The following CHST9 variants were observed in gnomAD, a reference collection of about 807,000 sequenced individuals.
CHST9 encodes GalNAc-4-sulfotransferase 2.
Under a neutral mutation model 44.4 loss-of-function variants are expected in CHST9, and 41 were observed. That is an observed-to-expected ratio of 0.92 (90% CI 0.72 to 1.20). CHST9 has a LOEUF of 1.20. CHST9 is among the 50% of genes most tolerant of loss of function. The pLI is 0.00. For missense variants in CHST9, 504 were observed against 516.5 expected, an observed-to-expected ratio of 0.98 and a Z score of 0.23; for synonymous variants, 171 against 178.4, an observed-to-expected ratio of 0.96 and a Z score of 0.33.
At chr18:27,146,938 A>AT (rs974096068) in intron 1 of CHST9, among the ~76,000 whole-genome samples, 5 of 152,318 alleles carry the variant, frequency 3.3e-5, no homozygotes, top group South Asian at 2.1e-4. Context: ...TTTAAAAATT[A>AT]TTTTTTTAAA....
intron 3 of CHST9, among the ~76,000 whole-genome samples, chr18:27,031,411 C>T (rs1456789726): frequency 6.6e-6 from 1 of 152,158 alleles, no homozygotes; most frequent in Non-Finnish European, 1.5e-5. Flanking sequence ...CTCCCCAACA[C>T]TTGCTTCCAG....
intron 4 of CHST9, among the ~76,000 whole-genome samples, chr18:27,010,414 G>A (rs537373413): frequency 6.6e-6 from 1 of 152,256 alleles, no homozygotes; most frequent in East Asian, 1.9e-4. Context: ...GTAATTGTCA[G>A]GGTGAAATCA....
chr18:27,144,570 C>G (rs778801169), intron 1 of CHST9, among the ~76,000 whole-genome samples: 13 of 152,010 alleles, frequency 8.6e-5, no homozygotes, highest in South Asian at 4.1e-4. Flanking sequence ...GGCCTCTAGT[C>G]CCAGATACTG....
chr18:26,978,520 C>T (rs1426561237), intron 4 of CHST9, among the ~76,000 whole-genome samples: 4 of 152,148 alleles, frequency 2.6e-5, no homozygotes, highest in Non-Finnish European at 4.4e-5. Flanking sequence ...AAATAAGACA[C>T]CTCTCTGTTC....
chr18:26,995,739 GA>G, intron 4 of CHST9, among the ~76,000 whole-genome samples: 1 of 152,210 alleles, frequency 6.6e-6, no homozygotes, highest in East Asian at 1.9e-4. Flanking sequence ...AAATTGAGAT[GA>G]AAAACCTAGG....
At chr18:27,000,272 T>C (rs1598627411) in intron 4 of CHST9, among the ~76,000 whole-genome samples, 2 of 152,326 alleles carry the variant, frequency 1.3e-5, no homozygotes, top group East Asian at 3.9e-4. Context: ...AGTTTCCACA[T>C]ACAGAACTCT....
At chr18:27,112,279 C>T (rs188836682) in intron 2 of CHST9, among the ~76,000 whole-genome samples, 2 of 150,964 alleles carry the variant, frequency 1.3e-5, no homozygotes, top group East Asian at 3.9e-4. Flanking sequence ...GTGTGTATAA[C>T]AGAAGTGTTT....
chr18:27,160,260 T>C (rs1217574912), intron 1 of CHST9, among the ~76,000 whole-genome samples: 1 of 152,204 alleles, frequency 6.6e-6, no homozygotes, highest in Non-Finnish European at 1.5e-5. Flanking sequence ...CATGGATAGC[T>C]CTTATTATTT....
chr18:27,161,372 A>C (rs2058745451), intron 1 of CHST9, among the ~76,000 whole-genome samples: 2 of 152,104 alleles, frequency 1.3e-5, no homozygotes, highest in African/African-American at 2.4e-5. Flanking sequence ...TTATGTACCC[A>C]GTAGTCATTC....
rs1032725990 is a variant in CHST9, at chr18:27,185,180, A to C, written c.-141T>G. ...CGCTTGCAGGTGCTGCTGTTCCAGG[A>C]GCGCAGCTTCGGAGGAAACTTCCCC... On this transcript the variant is annotated 5_prime_UTR_variant, in exon 1 of 6. Coordinates refer to ENST00000618847, the MANE Select transcript of CHST9 (RefSeq NM_031422.6). 1.3e-5 allele frequency: 2 copies of C among 151,548 alleles called. No individual in the cohort carries two copies. Among genetic ancestry groups the C allele is most frequent in the Non-Finnish European group, 1.5e-5 (1 of 67,970 alleles). 9.4% of individuals were successfully genotyped at this position (151,548 alleles called of 1,614,324 possible). A position where few individuals can be genotyped will look rare whatever the true frequency, so the allele number is the denominator to read the frequency against.
At chr18:27,175,092 T>G (rs1452697505) in intron 1 of CHST9, among the ~76,000 whole-genome samples, 1 of 152,080 alleles carries the variant, frequency 6.6e-6, no homozygotes, top group Non-Finnish European at 1.5e-5. Context: ...CCTTAACTAT[T>G]TTATACCTTG....
chr18:27,121,224 C>A (rs917987481), intron 2 of CHST9, among the ~76,000 whole-genome samples: 20 of 152,074 alleles, frequency 1.3e-4, no homozygotes, highest in African/African-American at 4.3e-4. Flanking sequence ...AGGTTGCTCT[C>A]AAACTCCTGG....
intron 2 of CHST9, among the ~76,000 whole-genome samples, chr18:27,131,033 A>G (rs1332005147): frequency 6.6e-6 from 1 of 152,222 alleles, no homozygotes; most frequent in African/African-American, 2.4e-5. Context: ...CATCATGTAC[A>G]GAGACTTCCA....
chr18:27,058,579 AC>A (rs1433032865), intron 2 of CHST9, among the ~76,000 whole-genome samples: 1 of 152,096 alleles, frequency 6.6e-6, no homozygotes, highest in Non-Finnish European at 1.5e-5. Context: ...AAATCAGACA[AC>A]CCTAAGACCA....
intron 2 of CHST9, among the ~76,000 whole-genome samples, chr18:27,055,531 C>G (rs2057644629): frequency 6.6e-6 from 1 of 152,022 alleles, no homozygotes; most frequent in Non-Finnish European, 1.5e-5. Flanking sequence ...CAGGGCCAGA[C>G]CTAAAACCCA....
At chr18:27,021,658 A>G (rs1404974001) in intron 4 of CHST9, among the ~76,000 whole-genome samples, 1 of 151,934 alleles carries the variant, frequency 6.6e-6, no homozygotes, top group Non-Finnish European at 1.5e-5. Context: ...TTGCTTCCCC[A>G]TTGCAGAATT....
At chr18:27,164,732 AGATCACATGAG>A (rs1443817062) in intron 1 of CHST9, among the ~76,000 whole-genome samples, 15 of 152,364 alleles carry the variant, frequency 9.8e-5, no homozygotes, top group Admixed American at 7.2e-4. Flanking sequence ...AAAAACAAAC[AGATCACATGAG>A]GAGGATCAAG....
chr18:27,140,985 G>C (rs1039786676), intron 2 of CHST9, among the ~76,000 whole-genome samples: 1 of 152,154 alleles, frequency 6.6e-6, no homozygotes, highest in Admixed American at 6.5e-5. Flanking sequence ...TGTTGTCCAG[G>C]GGCAGTGGCT....
At chr18:27,166,303 T>C (rs1271365929) in intron 1 of CHST9, among the ~76,000 whole-genome samples, 1 of 152,220 alleles carries the variant, frequency 6.6e-6, no homozygotes, top group Non-Finnish European at 1.5e-5. Context: ...CAAACAGGGC[T>C]CTTCCTGATC....
Sources: allele counts gnomAD v4.1 joint callset (sites outside exome capture counted in the v4.1 genomes callset), GRCh38; gene constraint gnomAD v4.1.1; transcripts MANE v1.5; gene names NCBI Gene and HGNC (gene_info 2026-07-23, HGNC 2026-07-21).